PRKN: variants seen among roughly 807,000 people sequenced by gnomAD.
PRKN encodes the protein parkin RBR E3 ubiquitin protein ligase.
Under a neutral mutation model 59.5 loss-of-function variants are expected in PRKN, and 56 were observed. The observed-to-expected ratio is 0.94, with a 90% CI of 0.76 to 1.18. The LOEUF is 1.18. PRKN is among the 50% of genes most tolerant of loss of function. The probability of loss-of-function intolerance (pLI) is 0.00; values close to 1 mark genes in which losing one functional copy is unlikely to be tolerated. For synonymous variants in PRKN, 250 were observed against 222.1 expected (o/e 1.13, Z -1.12); for missense variants, 657 against 596.4 (o/e 1.10, Z -1.06).
At chr6:161,757,394 C>T (rs559445578) in intron 7 of PRKN, among the ~76,000 whole-genome samples, 1 of 152,104 alleles carries the variant, frequency 6.6e-6, no homozygotes, top group Non-Finnish European at 1.5e-5. Context: ...AGTAAGAATG[C>T]AACTCATATT....
chr6:161,381,928 C>T (rs1562408920), intron 10 of PRKN, among the ~76,000 whole-genome samples: 2 of 151,878 alleles, frequency 1.3e-5, no homozygotes, highest in South Asian at 2.1e-4. Context: ...CTGGCTAACA[C>T]AGTGAAACCC....
Position 161,407,182 on chromosome 6 carries a change from A to G in PRKN, c.1084-20305T>C, listed in dbSNP as rs1323074605. Reference sequence around the variant, plus strand: ...AATTTTTTACAGAGTCATAATCTACATGGAAAACAAAAAGTCATACCAAAA... The same window carrying G: ...AATTTTTTACAGAGTCATAATCTACGTGGAAAACAAAAAGTCATACCAAAA... On this transcript the variant is annotated intron_variant, in intron 9 of 11. Coordinates refer to ENST00000366898, the MANE Select transcript of PRKN (RefSeq NM_004562.3). This position sits in a 1 kb window ranked among gnomAD's most constrained non-coding sequence, Gnocchi z 4.9. Among the ~76,000 whole-genome samples, 1 of 152,220 alleles carries G rather than the reference A, an allele frequency of 6.6e-6. No individual in the cohort carries two copies. The highest frequency in any genetic ancestry group is 1.5e-5 in the Non-Finnish European group (1 of 68,048).
chr6:162,105,128 C>T, intron 4 of PRKN, among the ~76,000 whole-genome samples: 1 of 152,120 alleles, frequency 6.6e-6, no homozygotes, highest in Non-Finnish European at 1.5e-5. Context: ...GAAGACAGAA[C>T]CCACCTTGAC....
At chr6:162,587,991 C>G (rs1024284109) in intron 1 of PRKN, among the ~76,000 whole-genome samples, 1 of 149,076 alleles carries the variant, frequency 6.7e-6, no homozygotes, top group African/African-American at 2.5e-5. Flanking sequence ...CATAACCATA[C>G]TTGAACTAAG....
intron 6 of PRKN, among the ~76,000 whole-genome samples, chr6:161,920,489 T>TA (rs1382484764): frequency 2.6e-5 from 4 of 151,496 alleles, no homozygotes; most frequent in Non-Finnish European, 5.9e-5. Context: ...GTATAAAAGA[T>TA]AAAAAACATG....
chr6:161,426,776 T>G (rs571167742), intron 9 of PRKN, among the ~76,000 whole-genome samples: 1 of 152,138 alleles, frequency 6.6e-6, no homozygotes, highest in East Asian at 1.9e-4. Context: ...TGGAGTGCAG[T>G]GGCGCAATCT....
intron 3 of PRKN, among the ~76,000 whole-genome samples, chr6:162,237,893 C>T (rs139290088): frequency 1.1e-4 from 17 of 152,150 alleles, no homozygotes; most frequent in African/African-American, 4.1e-4. Context: ...AGTCCAGGGA[C>T]CAGAGGATCT....
Position 161,527,663 on chromosome 6 carries a change from T to G in PRKN, c.1083+21191A>C, listed in dbSNP as rs1040047674. Reference sequence around the variant, plus strand: ...TGCATCTTCTTCCCTTGCACTTCCTTTTACTACTAGAATGAGAGTTTCCTC... The same window carrying G: ...TGCATCTTCTTCCCTTGCACTTCCTGTTACTACTAGAATGAGAGTTTCCTC... On this transcript the variant is annotated intron_variant, in intron 9 of 11. Coordinates refer to ENST00000366898, the MANE Select transcript of PRKN (RefSeq NM_004562.3). The surrounding 1 kb of genome is among the most constrained non-coding windows in gnomAD (Gnocchi z 4.6). 3.9e-5 allele frequency among the ~76,000 whole-genome samples: 6 copies of G among 152,194 alleles called. No homozygotes were observed. Among genetic ancestry groups the G allele is most frequent in the Admixed American group, 6.5e-5 (1 of 15,278 alleles).
chr6:162,234,242 T>G (rs182454980), intron 3 of PRKN, among the ~76,000 whole-genome samples: 3 of 152,266 alleles, frequency 2.0e-5, no homozygotes, highest in Admixed American at 2.0e-4. Context: ...ATGTCAAGGC[T>G]GGGCCACACT....
At chr6:162,614,555 A>C (rs1267746174) in intron 1 of PRKN, among the ~76,000 whole-genome samples, 1 of 152,202 alleles carries the variant, frequency 6.6e-6, no homozygotes, top group Non-Finnish European at 1.5e-5. Context: ...TAAATGTCAA[A>C]TATGTACATG....
At chr6:162,008,067 G>A (rs1005075515) in intron 5 of PRKN, among the ~76,000 whole-genome samples, 2 of 152,142 alleles carry the variant, frequency 1.3e-5, no homozygotes, top group South Asian at 4.1e-4. Flanking sequence ...AAAGGGATAA[G>A]AGGCATAACT....
At chr6:161,847,406 A>G (rs1174935814) in intron 6 of PRKN, among the ~76,000 whole-genome samples, 5 of 152,254 alleles carry the variant, frequency 3.3e-5, no homozygotes, top group Non-Finnish European at 7.3e-5. Flanking sequence ...GACTATCAGA[A>G]GAAATGCAAC....
Position 161,498,452 on chromosome 6 carries a change from C to T in PRKN, c.1083+50402G>A, listed in dbSNP as rs1310550265. ...CCGTGCCAGCCATTCACACTGCTCACAGGGTCTTCAGCTCCCTTCTCCCTG... is the reference window on the plus strand; with the variant it reads ...CCGTGCCAGCCATTCACACTGCTCATAGGGTCTTCAGCTCCCTTCTCCCTG... On this transcript the variant is annotated intron_variant, in intron 9 of 11. Transcript: ENST00000366898. The surrounding 1 kb of genome is among the most constrained non-coding windows in gnomAD (Gnocchi z 4.2). 6.6e-6 allele frequency among the ~76,000 whole-genome samples: 1 copy of T among 152,204 alleles called. No homozygotes were observed. Among genetic ancestry groups the T allele is most frequent in the Non-Finnish European group, 1.5e-5 (1 of 68,034 alleles).
At chr6:162,313,208 C>T (rs1459178853) in intron 2 of PRKN, among the ~76,000 whole-genome samples, 1 of 152,102 alleles carries the variant, frequency 6.6e-6, no homozygotes, top group South Asian at 2.1e-4. Context: ...TCTCCAGAGC[C>T]ATTTCATCTT....
chr6:162,564,180 A>G (rs1779964291), intron 1 of PRKN, among the ~76,000 whole-genome samples: 1 of 152,144 alleles, frequency 6.6e-6, no homozygotes, highest in South Asian at 2.1e-4. Flanking sequence ...CCCCGTCTCT[A>G]CAAAAAATAC....
chr6:162,168,609 G>A (rs1336014501), intron 4 of PRKN, among the ~76,000 whole-genome samples: 3 of 120,338 alleles, frequency 2.5e-5, no homozygotes, highest in Admixed American at 7.9e-5. Context: ...GGGACAAAAT[G>A]AGTGACAGAA....
intron 1 of PRKN, among the ~76,000 whole-genome samples, chr6:162,678,891 C>G (rs1328619851): frequency 6.6e-6 from 1 of 152,144 alleles, no homozygotes; most frequent in Non-Finnish European, 1.5e-5. Context: ...TCTCCTGCCT[C>G]AGCCTCCTGA....
chr6:162,684,764 G>C (rs1282999585), intron 1 of PRKN, among the ~76,000 whole-genome samples: 1 of 151,986 alleles, frequency 6.6e-6, no homozygotes, highest in African/African-American at 2.4e-5. Context: ...AACAAAACCA[G>C]AAAAAATGAT....
intron 4 of PRKN, among the ~76,000 whole-genome samples, chr6:162,186,609 T>C (rs1435945791): frequency 6.6e-6 from 1 of 152,164 alleles, no homozygotes; most frequent in African/African-American, 2.4e-5. Flanking sequence ...TCATGTTCAA[T>C]TGTAATCTCC....
Sources: gnomAD v4.1 joint callset for allele counts (sites outside exome capture counted in the v4.1 genomes callset) on GRCh38, gnomAD v4.1.1 for gene constraint, Gnocchi (gnomAD v3.1) non-coding constraint, MANE v1.5 for transcripts, NCBI Gene and HGNC (gene_info 2026-07-23, HGNC 2026-07-21) for gene names.